Variants in CALN1 observed in about 807,000 individuals in gnomAD.
The protein encoded by CALN1 is calcium-binding protein 8.
A neutral mutation model predicts 30.6 loss-of-function variants in CALN1; 17 were observed. The ratio of observed to expected loss-of-function variants is 0.56; its 90% CI spans 0.38 to 0.83. The LOEUF (loss-of-function observed/expected upper bound fraction) is 0.83. Among genes scored for constraint, CALN1 ranks in the 40% least tolerant of loss-of-function variants. The probability of loss-of-function intolerance (pLI) is 0.00; values close to 1 mark genes in which losing one functional copy is unlikely to be tolerated. For missense variants in CALN1, 291 were observed against 354.9 expected (o/e 0.82, Z 1.45); for synonymous variants, 156 against 131.4 (o/e 1.19, Z -1.28).
At chr7:72,061,023 G>C (rs972345409) in intron 4 of CALN1, among the ~76,000 whole-genome samples, 1 of 152,158 alleles carries the variant, frequency 6.6e-6, no homozygotes, top group African/African-American at 2.4e-5. Context: ...AATGGCCAAC[G>C]GGTGGAGCAC....
intron 3 of CALN1, among the ~76,000 whole-genome samples, chr7:72,266,091 A>G (rs1796577185): frequency 6.6e-6 from 1 of 151,926 alleles, no homozygotes. Flanking sequence ...CAGTGAAGGC[A>G]CCACCACATT....
chr7:71,934,286 CT>C (rs1795715183), intron 5 of CALN1, among the ~76,000 whole-genome samples: 1 of 152,116 alleles, frequency 6.6e-6, no homozygotes, highest in Non-Finnish European at 1.5e-5. Context: ...ATAGAGAAAA[CT>C]GTGGAAGATT....
intron 3 of CALN1, among the ~76,000 whole-genome samples, chr7:72,106,722 GAGGGAGGGAGGA>G (rs1563063750): frequency 4.7e-4 from 7 of 14,764 alleles, no homozygotes; most frequent in African/African-American, 1.7e-3. Flanking sequence ...GGGAGGAAGG[GAGGGAGGGAGGA>G]AGGGAGGGAG....
intron 2 of CALN1, among the ~76,000 whole-genome samples, chr7:72,311,525 G>A (rs1800047299): frequency 1.3e-5 from 2 of 151,862 alleles, no homozygotes; most frequent in Non-Finnish European, 2.9e-5. Context: ...TGTTGCCCAG[G>A]CTAGAGTCCA....
intron 2 of CALN1, among the ~76,000 whole-genome samples, chr7:72,360,241 G>A (rs967847242): frequency 7.9e-5 from 12 of 152,164 alleles, no homozygotes; most frequent in African/African-American, 2.9e-4. Flanking sequence ...ACAGGAAAAT[G>A]TAATTGTCTT....
At chr7:72,387,883 G>A (rs1002064370) in intron 2 of CALN1, among the ~76,000 whole-genome samples, 2 of 152,292 alleles carry the variant, frequency 1.3e-5, no homozygotes, top group Middle Eastern at 3.4e-3. Flanking sequence ...AGAGGTTGGG[G>A]AGAATTGGGG....
At chr7:72,423,746 G>A (rs1380973924) in intron 1 of CALN1, among the ~76,000 whole-genome samples, 1 of 151,894 alleles carries the variant, frequency 6.6e-6, no homozygotes, top group African/African-American at 2.4e-5. Flanking sequence ...GAGCCCAGGA[G>A]GTGGAGGCTG....
intron 1 of CALN1, 41 bp downstream of exon 1, chr7:72,412,017 A>C (rs1807198109): frequency 6.6e-6 from 1 of 152,172 alleles, no homozygotes; most frequent in Non-Finnish European, 1.5e-5. Context: ...TGGGAACTGC[A>C]TGCAGCTGAG....
At chr7:72,221,561 A>T (rs567793632) in intron 3 of CALN1, among the ~76,000 whole-genome samples, 1 of 152,288 alleles carries the variant, frequency 6.6e-6, no homozygotes, top group Non-Finnish European at 1.5e-5. Context: ...AGTTCACTAC[A>T]TAACTACTTA....
chr7:72,279,691 C>T (rs939561878), intron 2 of CALN1, among the ~76,000 whole-genome samples: 2 of 152,244 alleles, frequency 1.3e-5, no homozygotes, highest in Admixed American at 6.5e-5. Context: ...GAATGAGCAA[C>T]GACAAGAAAG....
rs145316167 is a variant in CALN1, at chr7:72,385,332, A to G, written c.119+17919T>C. The stretch of plus-strand genomic sequence containing the variant: ...ACTCATTTGAAAACACTATGTCCAC[A>G]CAAAAATCTACATGCAAATGTTTAT... On this transcript the variant is annotated intron_variant, in intron 2 of 6. Coordinates refer to ENST00000395275, the MANE Select transcript of CALN1 (RefSeq NM_031468.4). Among the ~76,000 whole-genome samples, 656 of 152,328 alleles carry G rather than the reference A, an allele frequency of 4.3e-3. 5 individuals carry two copies. Among genetic ancestry groups the G allele is most frequent in the Middle Eastern group, 0.017 (5 of 294 alleles).
rs1318849964 is a variant in CALN1, at chr7:72,315,827, C to CA, written c.120-37018dup. ...TAGGAAAAAGCTTGAAGAAAGTCTGCAAATTGTGGACCTGATAATTCCTCT... is the reference window on the plus strand; with the variant it reads ...TAGGAAAAAGCTTGAAGAAAGTCTGCAAAATTGTGGACCTGATAATTCCTCT... On this transcript the variant is annotated intron_variant, in intron 2 of 6. Transcript: ENST00000395275. Among the ~76,000 whole-genome samples the CA allele has an allele frequency of 7.2e-5, 11 of 152,238 alleles. No homozygotes were observed. In the East Asian group the frequency reaches 2.1e-3, roughly 29 times the overall value.
chr7:72,276,563 G>A (rs1410376027), intron 3 of CALN1, among the ~76,000 whole-genome samples: 3 of 151,480 alleles, frequency 2.0e-5, no homozygotes, highest in Non-Finnish European at 4.4e-5. Flanking sequence ...GCTAAGAGGT[G>A]GGATGGTTAA....
intron 3 of CALN1, 117 bp downstream of exon 3, chr7:72,278,569 C>T: frequency 7.1e-7 from 1 of 1,407,076 alleles, no homozygotes; most frequent in Non-Finnish European, 9.7e-7. Context: ...CATGGCTACA[C>T]TTGGCCACAA....
intron 5 of CALN1, among the ~76,000 whole-genome samples, chr7:71,927,394 C>G (rs932666890): frequency 6.6e-6 from 1 of 152,012 alleles, no homozygotes; most frequent in African/African-American, 2.4e-5. Flanking sequence ...ATTTTCAATA[C>G]AGATGGGGTT....
intron 4 of CALN1, among the ~76,000 whole-genome samples, chr7:72,093,028 G>A (rs1186298393): frequency 6.6e-6 from 1 of 152,042 alleles, no homozygotes; most frequent in Admixed American, 6.6e-5. Flanking sequence ...ATTTATTGCT[G>A]CAGCATAACT....
At chr7:71,790,338 G>GA (rs200364011) in intron 6 of CALN1, among the ~76,000 whole-genome samples, 2,824 of 116,818 alleles carry the variant, frequency 0.024, 111 homozygotes, top group African/African-American at 0.084. Context: ...AGGAAAGAAA[G>GA]AAAGAAAGAA....
At chr7:71,950,290 A>T (rs1796624492) in intron 5 of CALN1, among the ~76,000 whole-genome samples, 1 of 152,088 alleles carries the variant, frequency 6.6e-6, no homozygotes, top group South Asian at 2.1e-4. Context: ...TTCCAACTCC[A>T]TCATTTTACA....
chr7:72,303,110 A>T (rs1799407820), intron 2 of CALN1, among the ~76,000 whole-genome samples: 1 of 152,048 alleles, frequency 6.6e-6, no homozygotes, highest in Non-Finnish European at 1.5e-5. Flanking sequence ...TTTACAATTC[A>T]TAGACATCAT....
Sources: allele counts gnomAD v4.1 joint callset (sites outside exome capture counted in the v4.1 genomes callset), GRCh38; gene constraint gnomAD v4.1.1; transcripts MANE v1.5; gene names NCBI Gene and HGNC (gene_info 2026-07-23, HGNC 2026-07-21).